The following NRG1 variants were observed in gnomAD, a reference collection of about 807,000 sequenced individuals.
The protein encoded by NRG1 is pro-neuregulin-1, membrane-bound isoform.
In NRG1, 18 loss-of-function variants were observed where a neutral mutation model predicts 63.8. The observed-to-expected ratio is 0.28, with a 90% CI of 0.19 to 0.42. NRG1 has a LOEUF of 0.42. Among genes scored for constraint, NRG1 ranks in the 10% least tolerant of loss-of-function variants. The pLI, the probability that NRG1 is intolerant of heterozygous loss-of-function variation, is 1.00. For synonymous variants in NRG1, 302 were observed against 301.3 expected (o/e 1.00, Z -0.02); for missense variants, 762 against 814.7 (o/e 0.94, Z 0.79).
At position 32,221,420 on chromosome 8, in the gene NRG1, G is replaced by C. The variant is rs192312396; in HGVS notation, c.38-374408G>C. Among the ~76,000 whole-genome samples the C allele has an allele frequency of 1.4e-3, 209 of 152,282 alleles. 1 individual carries two copies. Among genetic ancestry groups the C allele is most frequent in the African/African-American group, 4.8e-3 (199 of 41,562 alleles). Reference sequence around the variant, plus strand: ...TGAAAATATGAACAGAGCTGCTTTTGCAAGACTGTGTTGCCTCTAAATGTG... The same window carrying C: ...TGAAAATATGAACAGAGCTGCTTTTCCAAGACTGTGTTGCCTCTAAATGTG... On this transcript the variant is annotated intron_variant, in intron 1 of 10. Coordinates refer to the NRG1 transcript ENST00000519301.
chr8:31,768,244 C>T (rs1438477337), intron 1 of NRG1, among the ~76,000 whole-genome samples: 1 of 152,176 alleles, frequency 6.6e-6, no homozygotes, highest in Non-Finnish European at 1.5e-5. Flanking sequence ...TGACTTTAGA[C>T]AGCTGATATT....
chr8:32,595,814 T>C lies in NRG1; in HGVS notation c.101-14T>C. The C allele has an allele frequency of 6.3e-7, 1 of 1,599,800 alleles. No individual in the cohort carries two copies. The highest frequency in any genetic ancestry group is 8.5e-7 in the Non-Finnish European group (1 of 1,175,300). On this transcript the variant is annotated splice_polypyrimidine_tract_variant and intron_variant, in intron 1 of 11. Transcript: ENST00000356819. ...GTGATCAGAGTTGTTTTTCATTCTC[T>C]TTTCTTCTTTTAGCCTTGCCTCCCC...
intron 1 of NRG1, among the ~76,000 whole-genome samples, chr8:31,896,333 C>T (rs901549098): frequency 1.3e-5 from 2 of 152,188 alleles, no homozygotes; most frequent in Admixed American, 1.3e-4. Context: ...CTGTAATACT[C>T]CTAATCCCTG....
chr8:31,672,052 T>C (rs1000412727), intron 1 of NRG1, among the ~76,000 whole-genome samples: 1 of 152,158 alleles, frequency 6.6e-6, no homozygotes, highest in African/African-American at 2.4e-5. Context: ...AAATTTCCTG[T>C]CTATTTGGAT....
In NRG1 at chr8:31,680,741, C is replaced by G. The variant is rs112320063; in HGVS notation, c.37+41310C>G. The stretch of plus-strand genomic sequence containing the variant: ...ACTGACTTCCACAATGGTTGAACTA[C>G]TTTACAGTCCCACCAACAGTGTAAA... On this transcript the variant is annotated intron_variant, in intron 1 of 10. Coordinates refer to the NRG1 transcript ENST00000519301. Among the ~76,000 whole-genome samples the G allele has an allele frequency of 2.2e-3, 335 of 152,070 alleles. 1 individual carries two copies. Among genetic ancestry groups the G allele is most frequent in the African/African-American group, 7.5e-3 (310 of 41,510 alleles).
intron 1 of NRG1, among the ~76,000 whole-genome samples, chr8:32,298,726 A>AAAAAG (rs1326210263): frequency 1.4e-5 from 2 of 138,324 alleles, no homozygotes; most frequent in Non-Finnish European, 3.1e-5. Flanking sequence ...AAAAAAAAAA[A>AAAAAG]AAAAGAAAAG....
intron 1 of NRG1, among the ~76,000 whole-genome samples, chr8:31,952,423 C>T (rs1210893000): frequency 6.6e-6 from 1 of 152,174 alleles, no homozygotes; most frequent in South Asian, 2.1e-4. Flanking sequence ...TGGGGTGATA[C>T]AATGAATGAG....
chr8:32,579,219 G>GTTTTTT (rs1840216175), intron 1 of NRG1, among the ~76,000 whole-genome samples: 1 of 108,836 alleles, frequency 9.2e-6, no homozygotes, highest in African/African-American at 3.2e-5. Flanking sequence ...TTTTTTTTTG[G>GTTTTTT]ATACTATTGC....
At chr8:31,777,636 A>G (rs1819276327) in intron 1 of NRG1, among the ~76,000 whole-genome samples, 1 of 152,220 alleles carries the variant, frequency 6.6e-6, no homozygotes. Context: ...TTTGGCTTGG[A>G]GGTCTGCAGG....
At chr8:31,791,947 C>T (rs917359940) in intron 1 of NRG1, among the ~76,000 whole-genome samples, 2 of 152,274 alleles carry the variant, frequency 1.3e-5, no homozygotes, top group African/African-American at 2.4e-5. Flanking sequence ...TCTCCCACTG[C>T]TTACATGTTC....
rs1010303817 is a variant in NRG1 at position 32,282,232 on chromosome 8, G to A, written c.38-313596G>A. On this transcript the variant is annotated intron_variant, in intron 1 of 10. Transcript: ENST00000519301. ...AAAGTATCACCCACAATGCACAGGC[G>A]CTTCCCTGGCTGGACAATAGGTCTC... Among the ~76,000 whole-genome samples, 11 of 152,114 alleles carry A rather than the reference G, an allele frequency of 7.2e-5. No homozygotes were observed. In the South Asian group the frequency reaches 1.0e-3, roughly 14 times the overall value.
Position 31,640,582 on chromosome 8 carries a change from A to C in NRG1, c.37+1151A>C, listed in dbSNP as rs1355544580. ...CGCCTTCCCCTCCTGCGGGAGGCTC[A>C]AGGAGGACAGCAGGTACATCTTCTT... On this transcript the variant is annotated intron_variant, in intron 1 of 10. Coordinates refer to the NRG1 transcript ENST00000519301. This position sits in a 1 kb window ranked among gnomAD's most constrained non-coding sequence, Gnocchi z 6.3. The C allele has an allele frequency of 1.9e-6, 3 of 1,612,076 alleles. No homozygotes were observed. Among genetic ancestry groups the C allele is most frequent in the Non-Finnish European group, 1.7e-6 (2 of 1,179,520 alleles).
intron 1 of NRG1, among the ~76,000 whole-genome samples, chr8:32,151,574 A>T (rs1837501046): frequency 1.3e-5 from 2 of 152,120 alleles, no homozygotes; most frequent in South Asian, 4.1e-4. Context: ...GGAAAACTTG[A>T]GTGGTGAACG....
chr8:31,713,571 T>C (rs1812043583), intron 1 of NRG1, among the ~76,000 whole-genome samples: 1 of 152,204 alleles, frequency 6.6e-6, no homozygotes, highest in Non-Finnish European at 1.5e-5. Flanking sequence ...CATTTTCTCC[T>C]TAATTTATTT....
intron 1 of NRG1, among the ~76,000 whole-genome samples, chr8:32,348,577 A>T (rs777813942): frequency 1.7e-4 from 26 of 152,190 alleles, no homozygotes; most frequent in Non-Finnish European, 3.2e-4. Flanking sequence ...GTCAAATAAC[A>T]TAAAGAAAAA....
intron 1 of NRG1, among the ~76,000 whole-genome samples, chr8:31,685,611 T>C (rs559841690): frequency 3.9e-5 from 6 of 152,308 alleles, no homozygotes; most frequent in Admixed American, 2.6e-4. Context: ...TTTTAGGACA[T>C]GTTCATTATC....
intron 1 of NRG1, among the ~76,000 whole-genome samples, chr8:32,474,514 G>A (rs62500186): frequency 2.5e-5 from 3 of 122,434 alleles, no homozygotes; most frequent in Non-Finnish European, 3.4e-5. Context: ...TTTTTTTTTG[G>A]ACGGAGTCTC....
chr8:32,077,898 C>T (rs1161791122), intron 1 of NRG1, among the ~76,000 whole-genome samples: 1 of 152,146 alleles, frequency 6.6e-6, no homozygotes, highest in East Asian at 1.9e-4. Flanking sequence ...CTATTGGGGG[C>T]TGAATTCCCT....
In NRG1 at chr8:31,650,173, T is replaced by C. The variant is rs1804693278; in HGVS notation, c.37+10742T>C. 3.9e-5 allele frequency among the ~76,000 whole-genome samples: 6 copies of C among 152,122 alleles called. 1 individual carries two copies. The South Asian group carries it at 1.2e-3, about 32-fold the overall frequency. ...TTGTATTTTTTGTAGAGATGGGGTT[T>C]TGCCATGTTGCCCAGGCTGGTCTTG... On this transcript the variant is annotated intron_variant, in intron 1 of 10. Coordinates refer to the NRG1 transcript ENST00000519301.
Sources: gnomAD v4.1 joint callset for allele counts (sites outside exome capture counted in the v4.1 genomes callset) on GRCh38, gnomAD v4.1.1 for gene constraint, Gnocchi (gnomAD v3.1) non-coding constraint, MANE v1.5 for transcripts, NCBI Gene and HGNC (gene_info 2026-07-23, HGNC 2026-07-21) for gene names.